Variants in KAT2B observed in about 807,000 individuals in gnomAD.
The protein encoded by KAT2B is histone acetyltransferase KAT2B.
Under a neutral mutation model 105.9 loss-of-function variants are expected in KAT2B, and 36 were observed. The ratio of observed to expected loss-of-function variants is 0.34; its 90% confidence interval spans 0.26 to 0.45. The LOEUF is 0.45. Among genes scored for constraint, KAT2B ranks in the 20% least tolerant of loss-of-function variants. The pLI is 1.00. For synonymous variants in KAT2B, 397 were observed against 377.9 expected, an observed-to-expected ratio of 1.05 and a Z score of -0.59; for missense variants, 820 against 1,021.6, an observed-to-expected ratio of 0.80 and a Z score of 2.69.
At chr3:20,083,498 A>G (rs550834441) in intron 2 of KAT2B, among the ~76,000 whole-genome samples, 31 of 152,248 alleles carry the variant, frequency 2.0e-4, no homozygotes, top group Middle Eastern at 3.4e-3. Context: ...ATGGGTTGGG[A>G]TTAATTAGGA....
intron 2 of KAT2B, among the ~76,000 whole-genome samples, chr3:20,083,506 G>A (rs1024868214): frequency 6.6e-6 from 1 of 152,158 alleles, no homozygotes; most frequent in Non-Finnish European, 1.5e-5. Flanking sequence ...GGATTAATTA[G>A]GAGACTGGTA....
chr3:20,146,768 G>A (rs1699789864), intron 14 of KAT2B, among the ~76,000 whole-genome samples: 1 of 152,156 alleles, frequency 6.6e-6, no homozygotes, highest in African/African-American at 2.4e-5. Context: ...GAGTTCCAAA[G>A]CAGTTAGATC....
At chr3:20,133,947 A>C (rs1017081598) in intron 11 of KAT2B, among the ~76,000 whole-genome samples, 1 of 151,606 alleles carries the variant, frequency 6.6e-6, no homozygotes, top group Non-Finnish European at 1.5e-5. Context: ...CTTTTATTCT[A>C]TCTCTTTTTT....
intron 1 of KAT2B, among the ~76,000 whole-genome samples, chr3:20,069,623 T>G (rs1422486960): frequency 6.6e-6 from 1 of 151,670 alleles, no homozygotes. Context: ...CCGCCCGGGT[T>G]CAAGTGATTC....
intron 11 of KAT2B, among the ~76,000 whole-genome samples, chr3:20,130,377 T>A (rs1699487132): frequency 6.6e-6 from 1 of 152,204 alleles, no homozygotes. Flanking sequence ...TGTTTATCAT[T>A]ATTCTCCGCT....
chr3:20,140,184 T>G (rs3762633), intron 12 of KAT2B, 37 bp from the exon 13 acceptor site: 1 of 1,325,274 alleles, frequency 7.5e-7, no homozygotes, highest in Non-Finnish European at 1.1e-6. Flanking sequence ...ATATTTGGTG[T>G]ATGGTGTTCA....
intron 2 of KAT2B, among the ~76,000 whole-genome samples, chr3:20,083,525 G>C (rs887764466): frequency 2.6e-5 from 4 of 152,180 alleles, no homozygotes; most frequent in Admixed American, 6.5e-5. Flanking sequence ...TAAATCTAGA[G>C]ATAAGTTAAA....
chr3:20,115,067 T>C (rs1474671892), intron 7 of KAT2B, 79 bp downstream of exon 7: 3 of 818,822 alleles, frequency 3.7e-6, no homozygotes, highest in Non-Finnish European at 6.3e-6. Flanking sequence ...CTGCAACTTA[T>C]ACTTAGCTCT....
In KAT2B at chr3:20,107,840, G is replaced by T. The variant is rs1254350164; in HGVS notation, c.852-3756G>T. 3.5e-3 allele frequency among the ~76,000 whole-genome samples: 364 copies of T among 104,560 alleles called. 2 individuals are homozygous for T. Among genetic ancestry groups the T allele is most frequent in the African/African-American group, 0.013 (343 of 26,218 alleles). 68.6% of individuals were successfully genotyped at this position (104,560 alleles called of 152,430 possible). A position where few individuals can be genotyped will look rare whatever the true frequency, so the allele number is the denominator to read the frequency against. Reference sequence around the variant, plus strand: ...TTTTTTTTTTTTGAGTTGGAGTCTTGCTGTGTTTCCCAGGCTGGAGTGCAG... The same window carrying T: ...TTTTTTTTTTTTGAGTTGGAGTCTTTCTGTGTTTCCCAGGCTGGAGTGCAG... On this transcript the variant is annotated intron_variant, in intron 5 of 17. Transcript: ENST00000263754.
intron 7 of KAT2B, among the ~76,000 whole-genome samples, chr3:20,115,513 C>CA (rs1281675384): frequency 6.6e-6 from 1 of 152,142 alleles, no homozygotes; most frequent in East Asian, 1.9e-4. Flanking sequence ...ATTTTGACGT[C>CA]AAGAGTTTTT....
chr3:20,076,785 T>A (rs1698428336), intron 2 of KAT2B, among the ~76,000 whole-genome samples: 1 of 152,206 alleles, frequency 6.6e-6, no homozygotes, highest in South Asian at 2.1e-4. Flanking sequence ...GGAATTCTGT[T>A]AGGAATTACG....
intron 2 of KAT2B, among the ~76,000 whole-genome samples, chr3:20,077,569 A>G (rs2125184621): frequency 6.6e-6 from 1 of 152,382 alleles, no homozygotes; most frequent in Admixed American, 6.5e-5. Context: ...AGCAAAAACA[A>G]TGCAGAATGT....
At chr3:20,082,480 A>G (rs1258501225) in intron 2 of KAT2B, among the ~76,000 whole-genome samples, 1 of 152,118 alleles carries the variant, frequency 6.6e-6, no homozygotes. Flanking sequence ...CCTTTCCATT[A>G]AGCCTCCACT....
intron 1 of KAT2B, among the ~76,000 whole-genome samples, chr3:20,041,794 A>AAGTTCCC (rs1413711218): frequency 6.6e-6 from 1 of 152,196 alleles, no homozygotes; most frequent in Non-Finnish European, 1.5e-5. Flanking sequence ...AAAGAGGGTC[A>AAGTTCCC]AGTTCCCAGA....
intron 9 of KAT2B, among the ~76,000 whole-genome samples, chr3:20,123,585 A>G (rs1217836973): frequency 2.0e-5 from 3 of 152,232 alleles, no homozygotes; most frequent in Non-Finnish European, 2.9e-5. Context: ...CCTCTGGCCT[A>G]ATATAAAACC....
intron 5 of KAT2B, among the ~76,000 whole-genome samples, chr3:20,106,979 GTA>G (rs869172127): frequency 0.016 from 529 of 33,448 alleles, 3 homozygotes; most frequent in South Asian, 0.022. Context: ...ATATATATAT[GTA>G]TATATATATA....
intron 3 of KAT2B, among the ~76,000 whole-genome samples, chr3:20,098,259 G>C (rs970207623): frequency 6.6e-6 from 1 of 151,506 alleles, no homozygotes; most frequent in Non-Finnish European, 1.5e-5. Context: ...GTCAGTCTTA[G>C]ATGTTGAACA....
intron 1 of KAT2B, among the ~76,000 whole-genome samples, chr3:20,062,171 T>TA (rs1559514223): frequency 1.7e-4 from 12 of 72,422 alleles, no homozygotes; most frequent in African/African-American, 6.1e-4. Flanking sequence ...ATATAATATA[T>TA]ATAATATATA....
intron 2 of KAT2B, among the ~76,000 whole-genome samples, chr3:20,085,322 CT>C (rs1698593655): frequency 6.6e-6 from 1 of 152,102 alleles, no homozygotes; most frequent in African/African-American, 2.4e-5. Flanking sequence ...TCAGATTGAC[CT>C]CAAGGAAAAT....
Sources: allele counts gnomAD v4.1 joint callset (sites outside exome capture counted in the v4.1 genomes callset), GRCh38; gene constraint gnomAD v4.1.1; transcripts MANE v1.5; gene names NCBI Gene and HGNC (gene_info 2026-07-23, HGNC 2026-07-21).